ATXN7: variants seen among roughly 807,000 people sequenced by gnomAD.
The protein encoded by ATXN7 is ataxin-7.
In ATXN7, 12 loss-of-function variants were observed where a neutral mutation model predicts 70.5. The ratio of observed to expected loss-of-function variants is 0.17; its 90% CI spans 0.11 to 0.28. The LOEUF (loss-of-function observed/expected upper bound fraction) is 0.28. Among genes scored for constraint, ATXN7 ranks in the 10% least tolerant of loss-of-function variants. The probability of loss-of-function intolerance (pLI) is 1.00; values close to 1 mark genes in which losing one functional copy is unlikely to be tolerated. For synonymous variants in ATXN7, 498 were observed against 448.7 expected, an observed-to-expected ratio of 1.11 and a Z score of -1.39; for missense variants, 1,256 against 1,131.7, an observed-to-expected ratio of 1.11 and a Z score of -1.58.
intron 1 of ATXN7, among the ~76,000 whole-genome samples, chr3:63,883,640 A>T (rs1456222125): frequency 2.0e-5 from 3 of 152,222 alleles, no homozygotes; most frequent in Non-Finnish European, 4.4e-5. Context: ...AAACATAAAT[A>T]GGAAGGTATA....
At chr3:63,966,728 T>C (rs1481469907) in intron 5 of ATXN7, among the ~76,000 whole-genome samples, 2 of 152,176 alleles carry the variant, frequency 1.3e-5, no homozygotes, top group Non-Finnish European at 2.9e-5. Context: ...TTTTCATGCC[T>C]CTCTCAGAAC....
intron 4 of ATXN7, among the ~76,000 whole-genome samples, chr3:63,947,866 G>A (rs2074889280): frequency 6.6e-6 from 1 of 152,150 alleles, no homozygotes; most frequent in Non-Finnish European, 1.5e-5. Context: ...GAGGAGAGAA[G>A]GGAGGTCAGT....
chr3:63,983,894 G>A (rs1033652944), intron 8 of ATXN7, among the ~76,000 whole-genome samples: 4 of 152,128 alleles, frequency 2.6e-5, no homozygotes, highest in African/African-American at 9.7e-5. Context: ...TCACTGCTTT[G>A]AAGTATGTAA....
intron 5 of ATXN7, among the ~76,000 whole-genome samples, chr3:63,962,908 CTTTTTTTT>C (rs71631179): frequency 1.5e-5 from 2 of 136,344 alleles, no homozygotes. Context: ...TTTTGTATTT[CTTTTTTTT>C]TTTTTTTTTT....
At chr3:63,986,150 G>A (rs993950338) in intron 8 of ATXN7, among the ~76,000 whole-genome samples, 1 of 152,194 alleles carries the variant, frequency 6.6e-6, no homozygotes, top group South Asian at 2.1e-4. Context: ...CTCTGTGACA[G>A]GGGCAGAGCA....
intron 4 of ATXN7, among the ~76,000 whole-genome samples, chr3:63,947,091 T>C (rs2106640146): frequency 6.6e-6 from 1 of 152,252 alleles, no homozygotes; most frequent in South Asian, 2.1e-4. Flanking sequence ...TACTAGTTTG[T>C]GAGATTTCAA....
chr3:63,916,276 T>C (rs955860698), intron 4 of ATXN7, among the ~76,000 whole-genome samples: 1 of 152,212 alleles, frequency 6.6e-6, no homozygotes, highest in Non-Finnish European at 1.5e-5. Context: ...CTTAATTCTA[T>C]ATTTCTAGGT....
At chr3:63,908,797 G>T (rs1181702546) in intron 2 of ATXN7, among the ~76,000 whole-genome samples, 2 of 152,180 alleles carry the variant, frequency 1.3e-5, no homozygotes, top group Non-Finnish European at 2.9e-5. Flanking sequence ...TGAGTGCAAA[G>T]AATCCTTTTT....
intron 5 of ATXN7, among the ~76,000 whole-genome samples, chr3:63,960,760 T>TA (rs1310613417): frequency 6.6e-6 from 1 of 152,140 alleles, no homozygotes; most frequent in Non-Finnish European, 1.5e-5. Context: ...CTGACCTGAA[T>TA]AAAAAGTGTT....
chr3:63,996,013 A>G lies in ATXN7; in HGVS notation c.2191A>G (p.Met731Val), dbSNP rs1416720008. 8 of 1,613,820 alleles carry G rather than the reference A, an allele frequency of 5.0e-6. No individual in the cohort carries two copies. The highest frequency in any genetic ancestry group is 1.6e-4 in the Middle Eastern group (1 of 6,084). ...CTCCTCCTCCTCTTCTTCTCATTCC[A>G]TGGAGTCTTTTAGGAAAAACTGTGT... is the stretch of plus-strand genomic sequence containing the variant. ...SSSSSSSSHS[M>V]ESFRKNCVAH... Residue 731 changes from methionine to valine, a missense_variant, in exon 12 of 13, where the codon ATG becomes GTG. Transcript: ENST00000674280.
At chr3:63,886,914 A>G (rs753358535) in intron 1 of ATXN7, among the ~76,000 whole-genome samples, 15 of 152,176 alleles carry the variant, frequency 9.9e-5, no homozygotes, top group Non-Finnish European at 1.8e-4. Flanking sequence ...GGAATTTCCT[A>G]CTGGCATGAC....
chr3:63,866,368 A>G (rs1702429519), intron 1 of ATXN7, among the ~76,000 whole-genome samples: 1 of 152,150 alleles, frequency 6.6e-6, no homozygotes, highest in Non-Finnish European at 1.5e-5. Flanking sequence ...CTCCCATCTC[A>G]GCCTACCAAC....
At chr3:63,865,383 G>A (rs1702380378) in intron 1 of ATXN7, 1 of 152,154 alleles carries the variant, frequency 6.6e-6, no homozygotes, top group Non-Finnish European at 1.5e-5. Flanking sequence ...CTCCCCTAAG[G>A]TATGAAGTTT....
chr3:63,972,434 C>T (rs145008418), intron 5 of ATXN7, among the ~76,000 whole-genome samples: 10 of 152,158 alleles, frequency 6.6e-5, no homozygotes, highest in Non-Finnish European at 1.3e-4. Flanking sequence ...CCCATCCATG[C>T]AGAGTGCACA....
At chr3:63,985,245 G>C (rs1353675848) in intron 8 of ATXN7, among the ~76,000 whole-genome samples, 2 of 152,052 alleles carry the variant, frequency 1.3e-5, no homozygotes, top group African/African-American at 4.8e-5. Flanking sequence ...GAGTGACTTT[G>C]AATGGGTCTG....
At chr3:63,959,906 C>T (rs1294044426) in intron 5 of ATXN7, among the ~76,000 whole-genome samples, 1 of 152,210 alleles carries the variant, frequency 6.6e-6, no homozygotes, top group Non-Finnish European at 1.5e-5. Context: ...ATATGCTAGG[C>T]ATTGCCCTCC....
chr3:63,952,047 G>A (rs2106658041), intron 4 of ATXN7, among the ~76,000 whole-genome samples: 1 of 152,298 alleles, frequency 6.6e-6, no homozygotes, highest in South Asian at 2.1e-4. Flanking sequence ...ACAGCTTTGT[G>A]AACTAAGCAG....
At chr3:63,921,986 A>T (rs530999023) in intron 4 of ATXN7, among the ~76,000 whole-genome samples, 1 of 152,286 alleles carries the variant, frequency 6.6e-6, no homozygotes, top group South Asian at 2.1e-4. Flanking sequence ...AAACTCTGGC[A>T]TGACAGAGTG....
intron 1 of ATXN7, among the ~76,000 whole-genome samples, chr3:63,867,860 G>T (rs1309129649): frequency 1.3e-5 from 2 of 152,088 alleles, no homozygotes; most frequent in Non-Finnish European, 2.9e-5. Context: ...ACTCTAGCCT[G>T]GGCAACAGAG....
Sources: allele counts gnomAD v4.1 joint callset (sites outside exome capture counted in the v4.1 genomes callset), GRCh38; gene constraint gnomAD v4.1.1; transcripts MANE v1.5; gene names NCBI Gene and HGNC (gene_info 2026-07-23, HGNC 2026-07-21).